The following RSU1 variants were observed in gnomAD, a reference collection of about 807,000 sequenced individuals.
RSU1 encodes rsu-1.
Under a neutral mutation model 31.1 loss-of-function variants are expected in RSU1, and 26 were observed. The observed-to-expected ratio is 0.84, with a 90% confidence interval of 0.61 to 1.16. RSU1 has a LOEUF of 1.16. Ranked by LOEUF, RSU1 falls within the 50% of genes most tolerant of loss-of-function variation. The probability of loss-of-function intolerance (pLI) is 0.00; values close to 1 mark genes in which losing one functional copy is unlikely to be tolerated. For synonymous variants in RSU1, 164 were observed against 136.3 expected (o/e 1.20, Z -1.41); for missense variants, 320 against 339.1 (o/e 0.94, Z 0.44).
intron 7 of RSU1, among the ~76,000 whole-genome samples, chr10:16,725,187 T>C (rs1588495579): frequency 6.6e-6 from 1 of 151,948 alleles, no homozygotes; most frequent in Non-Finnish European, 1.5e-5. Context: ...ATAAATATAG[T>C]AGAGATGGGA....
chr10:16,733,209 G>A (rs990193092), intron 7 of RSU1, among the ~76,000 whole-genome samples: 7 of 151,798 alleles, frequency 4.6e-5, no homozygotes, highest in Middle Eastern at 3.4e-3. Context: ...TAGAAAACCC[G>A]GCTGGGCATG....
chr10:16,714,849 A>G (rs1341708921), intron 7 of RSU1, among the ~76,000 whole-genome samples: 1 of 152,100 alleles, frequency 6.6e-6, no homozygotes. Context: ...CGGGTCCTCA[A>G]TGTGGACACT....
intron 3 of RSU1, among the ~76,000 whole-genome samples, 191 bp downstream of exon 3, chr10:16,781,843 A>C (rs1047607310): frequency 1.9e-4 from 29 of 152,210 alleles, no homozygotes; most frequent in African/African-American, 7.0e-4. Flanking sequence ...AGAATCTTCA[A>C]AGTAGAGCTA....
At chr10:16,683,872 T>A (rs2131551555) in intron 8 of RSU1, among the ~76,000 whole-genome samples, 1 of 152,358 alleles carries the variant, frequency 6.6e-6, no homozygotes, top group South Asian at 2.1e-4. Flanking sequence ...TTCGAACAAT[T>A]CGAAGCTGGG....
intron 3 of RSU1, among the ~76,000 whole-genome samples, chr10:16,765,351 T>C (rs990242923): frequency 2.0e-5 from 3 of 152,048 alleles, no homozygotes; most frequent in Non-Finnish European, 2.9e-5. Context: ...CACACATACA[T>C]ACATATACAC....
intron 8 of RSU1, among the ~76,000 whole-genome samples, chr10:16,609,777 C>T (rs1171109159): frequency 6.6e-6 from 1 of 152,194 alleles, no homozygotes; most frequent in Non-Finnish European, 1.5e-5. Flanking sequence ...AAAACAAGCC[C>T]TCTTTTATTT....
rs1370770422 is a variant in RSU1, at chr10:16,754,891, G to A, written c.380C>T (p.Pro127Leu). The change falls in exon 5 of 9, where the codon CCT (proline) becomes CTT (leucine). Residue 127 changes from proline to leucine, a missense_variant. Physicochemically the swap from Pro to Leu is moderately conservative, Grantham distance 98 (BLOSUM62 -3). Transcript: ENST00000345264. ...TYNNLSENSL[P>L]GNFFYLTTLR... The stretch of plus-strand genomic sequence containing the variant: ...CTTACTCAGGTAGAAGAAGTTTCCA[G>A]GAAGAGAATTTTCGCTCAAGTTGTT... 6.2e-7 allele frequency: 1 copy of A among 1,610,002 alleles called. No homozygotes were observed.
At chr10:16,648,973 C>T (rs1834629231) in intron 8 of RSU1, among the ~76,000 whole-genome samples, 1 of 152,074 alleles carries the variant, frequency 6.6e-6, no homozygotes. Context: ...TATTCACTTT[C>T]CTCTTTCCAG....
intron 8 of RSU1, among the ~76,000 whole-genome samples, chr10:16,594,833 G>A (rs1423266077): frequency 1.4e-5 from 2 of 145,052 alleles, no homozygotes; most frequent in African/African-American, 2.6e-5. Context: ...TGCCCAGGCT[G>A]GAGTGCAGTG....
At chr10:16,609,116 G>C (rs926690362) in intron 8 of RSU1, among the ~76,000 whole-genome samples, 58 of 152,136 alleles carry the variant, frequency 3.8e-4, no homozygotes, top group African/African-American at 1.4e-3. Flanking sequence ...CAGACCTTCT[G>C]GGATTACAGG....
At chr10:16,595,082 CA>C in intron 8 of RSU1, among the ~76,000 whole-genome samples, 1 of 151,796 alleles carries the variant, frequency 6.6e-6, no homozygotes, top group African/African-American at 2.4e-5. Flanking sequence ...CATGCCCCAA[CA>C]AAAAAATTAT....
rs773241755 is a variant in RSU1, at chr10:16,754,964, G to A, written c.307C>T (p.Arg103Ter). ...AGAGCTGGCAGGGAGCCGAAGCCTC[G>A]TGGCAAAGTGTTCAGCCTGTTCATG... The part of the protein sequence containing the change: ...LGMNRLNTLP[R>*]GFGSLPALEV... Residue 103 changes from arginine (R) to a stop codon, truncating the protein, a stop_gained, in exon 5 of 9, where the codon CGA becomes TGA. Transcript: ENST00000345264. LOFTEE classifies it high-confidence loss of function. The A allele has an allele frequency of 4.8e-5, 78 of 1,613,084 alleles. No homozygotes were observed. The highest frequency in any genetic ancestry group is 6.3e-5 in the Non-Finnish European group (74 of 1,179,652).
chr10:16,782,882 A>ATG (rs1837684008), intron 2 of RSU1, among the ~76,000 whole-genome samples: 1 of 139,478 alleles, frequency 7.2e-6, no homozygotes, highest in Non-Finnish European at 1.6e-5. Context: ...ATGCATATAC[A>ATG]CGTGTGTGTG....
chr10:16,784,316 G>A (rs1196650818), intron 2 of RSU1, among the ~76,000 whole-genome samples: 1 of 152,122 alleles, frequency 6.6e-6, no homozygotes, highest in Non-Finnish European at 1.5e-5. Context: ...TGCCCAGGCT[G>A]GAGATTTGTC....
intron 3 of RSU1, among the ~76,000 whole-genome samples, chr10:16,779,191 A>T (rs1231619866): frequency 1.3e-5 from 2 of 152,190 alleles, no homozygotes; most frequent in Non-Finnish European, 2.9e-5. Context: ...CCAAGCTCCC[A>T]GGTTTAAATT....
chr10:16,784,785 G>T (rs1441090492), intron 2 of RSU1, among the ~76,000 whole-genome samples: 1 of 152,008 alleles, frequency 6.6e-6, no homozygotes, highest in African/African-American at 2.4e-5. Flanking sequence ...GAACAGCATG[G>T]GAAAGCCCCA....
intron 7 of RSU1, among the ~76,000 whole-genome samples, chr10:16,710,916 G>C (rs1328614864): frequency 6.6e-6 from 1 of 152,100 alleles, no homozygotes; most frequent in African/African-American, 2.4e-5. Flanking sequence ...AACATGCAAT[G>C]TTTGATTTTC....
intron 8 of RSU1, among the ~76,000 whole-genome samples, chr10:16,644,609 T>C (rs774550288): frequency 1.3e-5 from 2 of 152,182 alleles, no homozygotes; most frequent in Non-Finnish European, 2.9e-5. Context: ...GAAACCAGGC[T>C]CTGGGTCTCC....
intron 8 of RSU1, among the ~76,000 whole-genome samples, chr10:16,693,686 C>G (rs1353881237): frequency 6.6e-6 from 1 of 151,586 alleles, no homozygotes; most frequent in South Asian, 2.1e-4. Flanking sequence ...CAAAGGGAGA[C>G]CCCGTCTCTG....
Sources: allele counts gnomAD v4.1 joint callset (sites outside exome capture counted in the v4.1 genomes callset), GRCh38; gene constraint gnomAD v4.1.1; transcripts MANE v1.5; gene names NCBI Gene and HGNC (gene_info 2026-07-23, HGNC 2026-07-21).